The following GAK variants were observed in gnomAD, a reference collection of about 807,000 sequenced individuals.
GAK encodes cyclin-G-associated kinase.
Under a neutral mutation model 143.9 loss-of-function variants are expected in GAK, and 79 were observed. That is an observed-to-expected ratio of 0.55 (90% confidence interval 0.46 to 0.66). The LOEUF (loss-of-function observed/expected upper bound fraction) is 0.66, where lower values mean the gene tolerates loss of function less well. Ranked by LOEUF, GAK falls within the 30% of genes least tolerant of loss-of-function variation. GAK has a pLI of 0.00. For synonymous variants in GAK, 881 were observed against 765.5 expected (o/e 1.15, Z -2.49); for missense variants, 1,693 against 1,779.7 (o/e 0.95, Z 0.88).
chr4:868,629 C>G lies in GAK; in HGVS notation c.2305G>C (p.Gly769Arg). 1.3e-6 allele frequency: 2 copies of G among 1,573,784 alleles called. No individual in the cohort carries two copies. The highest frequency in any genetic ancestry group is 1.7e-6 in the Non-Finnish European group (2 of 1,160,284). The change falls in exon 20 of 28, where the codon GGG becomes CGG. Residue 769 changes from glycine (G) to arginine (R), a missense_variant. Around this residue, in one of 2 missense-constraint regions of GAK, gnomAD observed 822 missense variants for 788.7 expected, o/e 1.04. Transcript: ENST00000314167. ...GSTAQYDAGA[G>R]SPEAEPTDSD... is the part of the protein sequence containing the mutation. ...TCTGTGGGTTCGGCTTCCGGGGACCCTGCCCCAGCATCATACTGAGCCGTG... is the reference window on the plus strand; with the variant it reads ...TCTGTGGGTTCGGCTTCCGGGGACCGTGCCCCAGCATCATACTGAGCCGTG...
intron 11 of GAK, among the ~76,000 whole-genome samples, chr4:885,144 C>A (rs1484195332): frequency 6.6e-6 from 1 of 151,962 alleles, no homozygotes; most frequent in Non-Finnish European, 1.5e-5. Flanking sequence ...GGTGCTGACA[C>A]AGGATGCGGG....
intron 1 of GAK, among the ~76,000 whole-genome samples, chr4:929,186 T>G (rs1725293888): frequency 6.6e-6 from 1 of 152,072 alleles, no homozygotes; most frequent in African/African-American, 2.4e-5. Context: ...CCCTCCCCAT[T>G]CCTTAGGCCA....
At position 849,615 on chromosome 4, in the gene GAK, G is replaced by T; in HGVS notation, c.*58C>A. 1 of 1,399,738 alleles carries T rather than the reference G, an allele frequency of 7.1e-7. No individual in the cohort carries two copies. The highest frequency in any genetic ancestry group is 1.0e-6 in the Non-Finnish European group (1 of 1,000,078). The allele number at this position is 1,399,738 out of a possible 1,614,324, so 86.7% of individuals were successfully genotyped here. A position where few individuals can be genotyped will look rare whatever the true frequency, so the allele number is the denominator to read the frequency against. On this transcript the variant is annotated 3_prime_UTR_variant, in exon 28 of 28. Coordinates refer to ENST00000314167, the MANE Select transcript of GAK (RefSeq NM_005255.4). ...ACGGGGTCCTCACGGTGGGGACCCA[G>T]GTCCCACGACGGCTCCCAACCTGTG... is the stretch of plus-strand genomic sequence containing the variant.
At position 877,146 on chromosome 4, in the gene GAK, C is replaced by T. The variant is rs764485331; in HGVS notation, c.1918G>A (p.Val640Met). The change falls in exon 17 of 28, where the codon GTG (valine) becomes ATG (methionine). Residue 640 changes from valine to methionine, a missense_variant. This residue lies in a region of GAK where 871 missense variants were observed against 991.0 expected (regional missense o/e 0.88). Transcript: ENST00000314167. The stretch of plus-strand genomic sequence containing the variant: ...CGGGCGTGATAGATGACGATGAGCA[C>T]GTCTCCTTGCACCGTGACGCCCAGG... ...IPLGVTVQGD[V>M]LIVIYHARST... The T allele has an allele frequency of 4.0e-5, 64 of 1,613,896 alleles. No individual in the cohort carries two copies. The highest frequency in any genetic ancestry group is 5.1e-5 in the Non-Finnish European group (60 of 1,179,946).
intron 27 of GAK, 59 bp from the exon 28 acceptor site, chr4:849,833 G>GGGGGGGGGGGCCCCCCCC: frequency 1.7e-6 from 2 of 1,190,150 alleles, no homozygotes; most frequent in Non-Finnish European, 2.3e-6. Context: ...GGCGGGGCAG[G>GGGGGGGGGGGCCCCCCCC]ACCCCCCCCC....
chr4:908,201 C>T (rs2152925601), intron 4 of GAK, among the ~76,000 whole-genome samples: 1 of 152,302 alleles, frequency 6.6e-6, no homozygotes, highest in East Asian at 1.9e-4. Context: ...CCCGTCTGGC[C>T]TTTATCCAAG....
chr4:882,614 C>T (rs1278933519), intron 14 of GAK, 83 bp downstream of exon 14: 7 of 1,533,052 alleles, frequency 4.6e-6, no homozygotes, highest in Non-Finnish European at 6.2e-6. Context: ...CAGCTCATGA[C>T]TGGCGCTCAG....
chr4:911,375 C>T (rs1259889552), intron 4 of GAK, among the ~76,000 whole-genome samples: 2 of 152,308 alleles, frequency 1.3e-5, no homozygotes, highest in South Asian at 2.1e-4. Context: ...AAGGCCACCA[C>T]GCTCTACCCC....
At chr4:885,120 A>G (rs1716030385) in intron 11 of GAK, among the ~76,000 whole-genome samples, 1 of 151,996 alleles carries the variant, frequency 6.6e-6, no homozygotes, top group African/African-American at 2.4e-5. Flanking sequence ...AAAGGCGTCT[A>G]AACCCACCGA....
intron 27 of GAK, 57 bp from the exon 28 acceptor site, chr4:849,831 A>AGGGGGGGGGGGGGGG: frequency 1.0e-6 from 1 of 999,056 alleles, no homozygotes; most frequent in Non-Finnish European, 1.4e-6. Context: ...CGGGCGGGGC[A>AGGGGGGGGGGGGGGG]GGACCCCCCC....
chr4:870,300 G>A (rs995533789), intron 19 of GAK, among the ~76,000 whole-genome samples: 10 of 152,222 alleles, frequency 6.6e-5, no homozygotes, highest in East Asian at 1.9e-4. Context: ...GAAACTGCTC[G>A]GAAGTGAAGA....
chr4:914,441 GCC>G (rs1481596008), intron 1 of GAK, among the ~76,000 whole-genome samples: 1 of 69,498 alleles, frequency 1.4e-5, no homozygotes, highest in Non-Finnish European at 2.6e-5. Flanking sequence ...AGCGTGCACG[GCC>G]CCCACACACA....
At chr4:892,486 G>A (rs992029853) in intron 9 of GAK, among the ~76,000 whole-genome samples, 1 of 152,224 alleles carries the variant, frequency 6.6e-6, no homozygotes, top group African/African-American at 2.4e-5. Flanking sequence ...GGTCAGAAAA[G>A]ACTCTGAGGA....
chr4:860,543 C>T lies in GAK; in HGVS notation c.3167-821G>A, dbSNP rs150511554. Among the ~76,000 whole-genome samples the T allele has an allele frequency of 6.9e-3, 1,058 of 152,316 alleles. 9 individuals carry two copies. Among genetic ancestry groups the T allele is most frequent in the African/African-American group, 0.024 (988 of 41,556 alleles). On this transcript the variant is annotated intron_variant, in intron 23 of 27. Transcript: ENST00000314167. Reference sequence around the variant, plus strand: ...AACCAAAACCACTCAAACTAAGAGTCAACCTCATTCATAAGAAAGAAATCA... The same window carrying T: ...AACCAAAACCACTCAAACTAAGAGTTAACCTCATTCATAAGAAAGAAATCA...
At chr4:905,547 C>T (rs1049402952) in intron 4 of GAK, among the ~76,000 whole-genome samples, 8 of 149,522 alleles carry the variant, frequency 5.4e-5, no homozygotes, top group East Asian at 2.0e-4. Context: ...CTACGGACTC[C>T]GCCACGCCCC....
Position 876,626 on chromosome 4 carries a change from C to A in GAK, c.1975-17G>T, listed in dbSNP as rs550131108. The A allele has an allele frequency of 1.2e-6, 2 of 1,608,104 alleles. No individual in the cohort carries two copies. Among genetic ancestry groups the A allele is most frequent in the Admixed American group, 1.7e-5 (1 of 60,006 alleles). ...GGATGCCATCTGCAAAGAGAGCAAA[C>A]ACGACACCCCACGTGGAGGGTGAAT... is the stretch of plus-strand genomic sequence containing the variant. On this transcript the variant is annotated splice_polypyrimidine_tract_variant and intron_variant, in intron 17 of 27. Transcript: ENST00000314167.
chr4:883,212 C>T (rs1389307793), intron 13 of GAK, 103 bp downstream of exon 13: 15 of 1,396,848 alleles, frequency 1.1e-5, no homozygotes, highest in African/African-American at 1.4e-5. Context: ...CTCCGGCCGC[C>T]CCCATCACAG....
intron 1 of GAK, among the ~76,000 whole-genome samples, chr4:927,945 C>A (rs11734449): frequency 0.21 from 32,132 of 152,168 alleles, 4,196 homozygotes; most frequent in Non-Finnish European, 0.3. Flanking sequence ...GAGGCTGGTG[C>A]CCTCAGTCAC....
chr4:877,335 C>T, intron 16 of GAK, 128 bp from the exon 17 acceptor site: 1 of 693,306 alleles, frequency 1.4e-6, no homozygotes, highest in Admixed American at 2.6e-5. Flanking sequence ...GAATAACCCC[C>T]ATGAAGAGCC....
Sources: gnomAD v4.1 joint callset for allele counts (sites outside exome capture counted in the v4.1 genomes callset) on GRCh38, gnomAD v4.1.1 for gene constraint, gnomAD v4.1.1 regional missense constraint, MANE v1.5 for transcripts, NCBI Gene and HGNC (gene_info 2026-07-23, HGNC 2026-07-21) for gene names.